Variants in RPTOR observed in about 807,000 individuals in gnomAD.
RPTOR encodes regulatory associated protein of MTOR complex 1.
In RPTOR, 21 loss-of-function variants were observed where a neutral mutation model predicts 169.9. The ratio of observed to expected loss-of-function variants is 0.12; its 90% CI spans 0.09 to 0.18. The LOEUF is 0.18. RPTOR is among the 10% of genes least tolerant of loss of function. The probability of loss-of-function intolerance (pLI) is 1.00; values close to 1 mark genes in which losing one functional copy is unlikely to be tolerated. For missense variants in RPTOR, 1,133 were observed against 1,855.9 expected (o/e 0.61, Z 7.16); for synonymous variants, 732 against 753.2 (o/e 0.97, Z 0.46).
intron 1 of RPTOR, among the ~76,000 whole-genome samples, chr17:80,592,145 G>C (rs1219535135): frequency 1.3e-5 from 2 of 152,122 alleles, no homozygotes; most frequent in Non-Finnish European, 2.9e-5. Context: ...AGGCTGGAGC[G>C]AGTGTGGCCT....
At chr17:80,607,703 C>T (rs566690487) in intron 1 of RPTOR, among the ~76,000 whole-genome samples, 2 of 151,952 alleles carry the variant, frequency 1.3e-5, no homozygotes, top group Admixed American at 6.6e-5. Flanking sequence ...CAGTTTTTAG[C>T]ACTGGGTGCT....
At chr17:80,932,773 A>G (rs2144017838) in intron 24 of RPTOR, among the ~76,000 whole-genome samples, 1 of 152,344 alleles carries the variant, frequency 6.6e-6, no homozygotes, top group East Asian at 1.9e-4. Context: ...CCACAGATCC[A>G]GCAAAGATCC....
rs140187896 is a variant in RPTOR at position 80,715,002 on chromosome 17, C to T, written c.507+7003C>T. Among the ~76,000 whole-genome samples, 422 of 152,348 alleles carry T rather than the reference C, an allele frequency of 2.8e-3. 9 individuals are homozygous for T. The East Asian group carries it at 0.061, about 22-fold the overall frequency. ...CCTCCCAAAGTGCTGGGATTACAGG[C>T]GTGAGCTACTGTGCTCAGCCTAAAA... On this transcript the variant is annotated intron_variant, in intron 4 of 33. Transcript: ENST00000306801.
chr17:80,943,833 A>G (rs2069065381), intron 25 of RPTOR, among the ~76,000 whole-genome samples: 1 of 152,204 alleles, frequency 6.6e-6, no homozygotes, highest in Admixed American at 6.5e-5. Flanking sequence ...GGTTAGTAAG[A>G]GCCAGGCGGT....
intron 1 of RPTOR, among the ~76,000 whole-genome samples, chr17:80,575,958 G>A (rs984807252): frequency 6.6e-6 from 1 of 152,158 alleles, no homozygotes; most frequent in African/African-American, 2.4e-5. Context: ...CTATATTGTT[G>A]TAAAGTGACT....
At chr17:80,564,219 C>T (rs1007644043) in intron 1 of RPTOR, among the ~76,000 whole-genome samples, 8 of 152,074 alleles carry the variant, frequency 5.3e-5, no homozygotes, top group African/African-American at 1.4e-4. Context: ...CCTGCCACCA[C>T]GCCTGGCTAA....
At position 80,958,280 on chromosome 17, in the gene RPTOR, C is replaced by T. The variant is rs572511434; in HGVS notation, c.3477+550C>T. ...TAATTTTTTTAACTTTTTGTAGAAA[C>T]AGGGGTCTCAGTATTTGCCCAAGCT... On this transcript the variant is annotated intron_variant, in intron 29 of 33. Coordinates refer to ENST00000306801, the MANE Select transcript of RPTOR (RefSeq NM_020761.3). Among the ~76,000 whole-genome samples, 466 of 147,108 alleles carry T rather than the reference C, an allele frequency of 3.2e-3. 5 individuals are homozygous for T. The highest frequency in any genetic ancestry group is 0.011 in the African/African-American group (444 of 39,574).
At chr17:80,848,466 G>T (rs2067756724) in intron 11 of RPTOR, among the ~76,000 whole-genome samples, 2 of 152,254 alleles carry the variant, frequency 1.3e-5, no homozygotes, top group Non-Finnish European at 2.9e-5. Flanking sequence ...AAATAAACCA[G>T]CTCATGTTCA....
chr17:80,552,036 G>A (rs986366674), intron 1 of RPTOR, among the ~76,000 whole-genome samples: 6 of 152,206 alleles, frequency 3.9e-5, no homozygotes, highest in African/African-American at 1.4e-4. Flanking sequence ...CAGAGAGCAC[G>A]GGGTTGGGGG....
intron 9 of RPTOR, among the ~76,000 whole-genome samples, chr17:80,826,380 C>T (rs868601250): frequency 2.0e-5 from 3 of 152,314 alleles, no homozygotes; most frequent in Middle Eastern, 3.4e-3. Flanking sequence ...TGACACTTCC[C>T]GGCCGGCTGT....
At chr17:80,776,413 T>A (rs2066892935) in intron 6 of RPTOR, among the ~76,000 whole-genome samples, 1 of 144,338 alleles carries the variant, frequency 6.9e-6, no homozygotes, top group African/African-American at 2.6e-5. Context: ...AAGTTCTGCC[T>A]CCTGGATTCA....
At chr17:80,921,590 A>G (rs9902459) in intron 21 of RPTOR, among the ~76,000 whole-genome samples, 2 of 152,060 alleles carry the variant, frequency 1.3e-5, no homozygotes, top group Admixed American at 1.3e-4. Context: ...TTTAAAAAAT[A>G]AAAGCAAAAC....
At chr17:80,760,442 C>T (rs1487932698) in intron 6 of RPTOR, among the ~76,000 whole-genome samples, 1 of 151,412 alleles carries the variant, frequency 6.6e-6, no homozygotes, top group Non-Finnish European at 1.5e-5. Context: ...GCTGGGATTA[C>T]AGGTGCCCAC....
intron 3 of RPTOR, among the ~76,000 whole-genome samples, chr17:80,661,384 G>A (rs543049808): frequency 6.6e-6 from 1 of 152,204 alleles, no homozygotes; most frequent in Non-Finnish European, 1.5e-5. Flanking sequence ...CTGACGCCAG[G>A]CCAGCTCTCT....
intron 19 of RPTOR, among the ~76,000 whole-genome samples, chr17:80,893,130 T>A (rs2068347401): frequency 6.6e-6 from 1 of 152,234 alleles, no homozygotes; most frequent in South Asian, 2.1e-4. Context: ...AGGCGGTGGC[T>A]CCTTGGAGGG....
chr17:80,761,923 C>T (rs922693937), intron 6 of RPTOR, among the ~76,000 whole-genome samples: 1 of 152,124 alleles, frequency 6.6e-6, no homozygotes, highest in Non-Finnish European at 1.5e-5. Context: ...GTATCTTAGA[C>T]CTTAGTCGTA....
chr17:80,841,687 A>G (rs1239821293), intron 10 of RPTOR, among the ~76,000 whole-genome samples: 2 of 121,098 alleles, frequency 1.7e-5, no homozygotes, highest in Non-Finnish European at 3.4e-5. Flanking sequence ...CACTCACCGC[A>G]CGGCATCTCA....
In RPTOR at chr17:80,878,114, T is replaced by C. The variant is rs1375603455; in HGVS notation, c.1510-2301T>C. ...TCCAGTTCTTAAAATTCCGGCCCTC[T>C]GTCCTTGCATGGCCTTCGTCCTCTG... On this transcript the variant is annotated intron_variant, in intron 13 of 33. Transcript: ENST00000306801. The surrounding 1 kb of genome is among the most constrained non-coding windows in gnomAD (Gnocchi z 4.1). 6.6e-6 allele frequency among the ~76,000 whole-genome samples: 1 copy of C among 152,220 alleles called. No homozygotes were observed. Among genetic ancestry groups the C allele is most frequent in the Non-Finnish European group, 1.5e-5 (1 of 68,036 alleles).
chr17:80,599,364 A>G (rs2065169299), intron 1 of RPTOR, among the ~76,000 whole-genome samples: 1 of 152,128 alleles, frequency 6.6e-6, no homozygotes, highest in Non-Finnish European at 1.5e-5. Context: ...ATTCTTGACC[A>G]TGGGACCTGT....
Sources: allele counts gnomAD v4.1 joint callset (sites outside exome capture counted in the v4.1 genomes callset), GRCh38; gene constraint gnomAD v4.1.1; non-coding constraint Gnocchi (gnomAD v3.1); transcripts MANE v1.5; gene names NCBI Gene and HGNC (gene_info 2026-07-23, HGNC 2026-07-21).